CCSER1: variants seen among roughly 807,000 people sequenced by gnomAD.
CCSER1 encodes the protein serine-rich coiled-coil domain-containing protein 1.
Under a neutral mutation model 82.0 loss-of-function variants are expected in CCSER1, and 41 were observed. The observed-to-expected ratio is 0.50, with a 90% CI of 0.39 to 0.65. CCSER1 has a LOEUF of 0.65. Ranked by LOEUF, CCSER1 falls within the 30% of genes least tolerant of loss-of-function variation. The pLI, the probability that CCSER1 is intolerant of heterozygous loss-of-function variation, is 0.00. For synonymous variants in CCSER1, 414 were observed against 383.9 expected, an observed-to-expected ratio of 1.08 and a Z score of -0.92; for missense variants, 1,119 against 1,064.2, an observed-to-expected ratio of 1.05 and a Z score of -0.72.
At chr4:90,546,073 A>C (rs766667208) in intron 5 of CCSER1, among the ~76,000 whole-genome samples, 1 of 152,118 alleles carries the variant, frequency 6.6e-6, no homozygotes, top group African/African-American at 2.4e-5. Flanking sequence ...TTTATGTGAA[A>C]GAGTCATTTC....
chr4:90,348,800 T>C (rs1471961887), intron 3 of CCSER1, among the ~76,000 whole-genome samples: 1 of 152,162 alleles, frequency 6.6e-6, no homozygotes, highest in African/African-American at 2.4e-5. Flanking sequence ...CACAAACTAT[T>C]ATGTGTATCA....
At chr4:91,553,824 TCTAG>T (rs1002876365) in intron 10 of CCSER1, among the ~76,000 whole-genome samples, 2 of 150,974 alleles carry the variant, frequency 1.3e-5, no homozygotes, top group African/African-American at 4.9e-5. Flanking sequence ...TTTCTTTTAG[TCTAG>T]CTAAAGGTTT....
At chr4:90,292,645 T>C (rs1228122573) in intron 1 of CCSER1, among the ~76,000 whole-genome samples, 2 of 151,978 alleles carry the variant, frequency 1.3e-5, no homozygotes, top group Non-Finnish European at 2.9e-5. Context: ...GTCAGCATTA[T>C]ATAGGAGACA....
At chr4:90,704,898 G>C (rs1296822280) in intron 6 of CCSER1, among the ~76,000 whole-genome samples, 2 of 152,076 alleles carry the variant, frequency 1.3e-5, no homozygotes, top group Non-Finnish European at 2.9e-5. Flanking sequence ...AAGGTTTTTA[G>C]CTTCTTTTAA....
chr4:90,418,276 A>G (rs1756118857), intron 4 of CCSER1, among the ~76,000 whole-genome samples: 1 of 152,102 alleles, frequency 6.6e-6, no homozygotes. Flanking sequence ...ATATGCATGT[A>G]AAATGTGATA....
intron 3 of CCSER1, among the ~76,000 whole-genome samples, chr4:90,394,115 A>G (rs998945257): frequency 7.4e-5 from 11 of 147,942 alleles, no homozygotes; most frequent in Non-Finnish European, 8.9e-5. Context: ...TTTTTTTTCA[A>G]TTCTGTAGCT....
chr4:90,551,944 T>C (rs1317484751), intron 5 of CCSER1, among the ~76,000 whole-genome samples: 1 of 152,078 alleles, frequency 6.6e-6, no homozygotes, highest in Non-Finnish European at 1.5e-5. Flanking sequence ...GGTTGTCTGC[T>C]GAGGGCTATT....
chr4:90,461,781 C>T (rs1309225262), intron 4 of CCSER1, among the ~76,000 whole-genome samples: 3 of 152,134 alleles, frequency 2.0e-5, no homozygotes, highest in Non-Finnish European at 4.4e-5. Context: ...AACAAGACTG[C>T]AACAGTCCTA....
At chr4:90,732,480 G>A (rs1465103307) in intron 7 of CCSER1, among the ~76,000 whole-genome samples, 1 of 152,138 alleles carries the variant, frequency 6.6e-6, no homozygotes, top group East Asian at 1.9e-4. Context: ...TTATCATGTA[G>A]GAACCCTGTA....
At position 91,071,549 on chromosome 4, in the gene CCSER1, G is replaced by A. The variant is rs1380172451; in HGVS notation, c.2173-14401G>A. ...TCATAATGTTGCAATGGATTGATGGGTTTGGTGTATAGAGAGATGGGGACA... is the reference window on the plus strand; with the variant it reads ...TCATAATGTTGCAATGGATTGATGGATTTGGTGTATAGAGAGATGGGGACA... On this transcript the variant is annotated intron_variant, in intron 9 of 10. Transcript: ENST00000509176. Among the ~76,000 whole-genome samples the A allele has an allele frequency of 2.0e-5, 3 of 152,088 alleles. No individual in the cohort carries two copies. In the East Asian group the frequency reaches 5.8e-4, roughly 29 times the overall value.
At chr4:91,495,089 G>A (rs1056072226) in intron 10 of CCSER1, among the ~76,000 whole-genome samples, 4 of 151,536 alleles carry the variant, frequency 2.6e-5, no homozygotes, top group African/African-American at 9.7e-5. Context: ...TGGTTAGTGT[G>A]TAATAATTTT....
chr4:90,573,700 C>A (rs1402532066), intron 5 of CCSER1, among the ~76,000 whole-genome samples: 1 of 152,100 alleles, frequency 6.6e-6, no homozygotes, highest in African/African-American at 2.4e-5. Flanking sequence ...TCCTACTTCA[C>A]CCCTCCCCCT....
intron 10 of CCSER1, among the ~76,000 whole-genome samples, chr4:91,424,967 G>A (rs1206898390): frequency 1.3e-5 from 2 of 152,000 alleles, no homozygotes; most frequent in Non-Finnish European, 2.9e-5. Flanking sequence ...TCAGTAAAAT[G>A]ACTTTTATAC....
At chr4:90,891,105 A>G (rs1722898828) in intron 8 of CCSER1, among the ~76,000 whole-genome samples, 1 of 152,064 alleles carries the variant, frequency 6.6e-6, no homozygotes, top group South Asian at 2.1e-4. Context: ...TAGGAAACTT[A>G]ACAAAAATGT....
intron 10 of CCSER1, among the ~76,000 whole-genome samples, chr4:91,560,103 C>T (rs1408610098): frequency 6.6e-6 from 1 of 151,286 alleles, no homozygotes; most frequent in Non-Finnish European, 1.5e-5. Context: ...ACTCTAGTCA[C>T]TCAAGGTAAT....
At chr4:90,532,734 C>A (rs1189731659) in intron 5 of CCSER1, among the ~76,000 whole-genome samples, 1 of 152,122 alleles carries the variant, frequency 6.6e-6, no homozygotes, top group Non-Finnish European at 1.5e-5. Flanking sequence ...CTATTTCTTA[C>A]ATTTAAAGGA....
rs943655743 is a variant in CCSER1 at position 90,995,141 on chromosome 4, A to G, written c.2172+71694A>G. On this transcript the variant is annotated intron_variant, in intron 9 of 10. Coordinates refer to ENST00000509176, the MANE Select transcript of CCSER1 (RefSeq NM_001145065.2). ...ATTATATCCACTTTACAGATGCATA[A>G]AGTTAGATGTAGACTAATTAAGTAA... Among the ~76,000 whole-genome samples the G allele has an allele frequency of 3.3e-5, 5 of 152,170 alleles. No individual in the cohort carries two copies. The East Asian group carries it at 9.6e-4, about 29-fold the overall frequency.
intron 5 of CCSER1, among the ~76,000 whole-genome samples, chr4:90,494,337 T>C (rs1481874844): frequency 1.3e-5 from 2 of 152,148 alleles, no homozygotes; most frequent in Non-Finnish European, 2.9e-5. Context: ...CATCCCACTG[T>C]CAACATTAGA....
intron 9 of CCSER1, among the ~76,000 whole-genome samples, chr4:91,020,422 G>A (rs1024840698): frequency 6.6e-6 from 1 of 152,164 alleles, no homozygotes; most frequent in Admixed American, 6.5e-5. Flanking sequence ...CAGCACTTTG[G>A]GAGGCCAAGG....
Sources: allele counts gnomAD v4.1 joint callset (sites outside exome capture counted in the v4.1 genomes callset), GRCh38; gene constraint gnomAD v4.1.1; transcripts MANE v1.5; gene names NCBI Gene and HGNC (gene_info 2026-07-23, HGNC 2026-07-21).